CCN3: variants seen among roughly 807,000 people sequenced by gnomAD.
CCN3 encodes the protein CCN family member 3.
In CCN3, 20 loss-of-function variants were observed where a neutral mutation model predicts 33.4. The ratio of observed to expected loss-of-function variants is 0.60; its 90% CI spans 0.42 to 0.87. The LOEUF (loss-of-function observed/expected upper bound fraction) is 0.87, where lower values mean the gene tolerates loss of function less well. CCN3 is among the 40% of genes least tolerant of loss of function. The pLI is 0.00. For synonymous variants in CCN3, 205 were observed against 170.4 expected, an observed-to-expected ratio of 1.20 and a Z score of -1.58; for missense variants, 465 against 455.3, an observed-to-expected ratio of 1.02 and a Z score of -0.19.
chr8:119,423,045 G>T lies in CCN3; in HGVS notation c.987G>T (p.Gly329=). Reference sequence around the variant, plus strand: ...TCAAGAAGCCAGTGATGGTCATTGGGACCTGCACCTGTCACACCAACTGTC... The same window carrying T: ...TCAAGAAGCCAGTGATGGTCATTGGTACCTGCACCTGTCACACCAACTGTC... ...QIVKKPVMVI[G]TCTCHTNCPK... Residue 329 remains glycine, a synonymous_variant, in exon 5 of 5, where the codon GGG becomes GGT. Coordinates refer to ENST00000259526, the MANE Select transcript of CCN3 (RefSeq NM_002514.4). 6.2e-7 allele frequency: 1 copy of T among 1,614,094 alleles called. No homozygotes were observed.
chr8:119,422,156 CAG>C (rs773092018), intron 4 of CCN3, among the ~76,000 whole-genome samples: 14 of 146,172 alleles, frequency 9.6e-5, no homozygotes, highest in Admixed American at 1.4e-4. Flanking sequence ...CAGAGAGAGA[CAG>C]AGAGAGAGAG....
Position 119,421,976 on chromosome 8 carries a change from GTAT to G in CCN3, c.778-857_778-855del, listed in dbSNP as rs1294146886. 3.3e-5 allele frequency among the ~76,000 whole-genome samples: 5 copies of G among 152,260 alleles called. No homozygotes were observed. In the East Asian group the frequency reaches 9.6e-4, roughly 29 times the overall value. On this transcript the variant is annotated intron_variant, in intron 4 of 4. Transcript: ENST00000259526. ...ATAAACATTCTTTTTATAACATGTT[GTAT>G]TAGTCCATTTTCAAACTGCTATGAA... is the stretch of plus-strand genomic sequence containing the variant.
chr8:119,422,934 T>A lies in CCN3; in HGVS notation c.876T>A (p.Cys292Ter). Residue 292 changes from cysteine to a stop codon, truncating the protein, a stop_gained, in exon 5 of 5, where the codon TGT becomes TGA. Transcript: ENST00000259526. LOFTEE classifies it high-confidence loss of function. ...TGCACACCTACAAGCCCAGGTTCTG[T>A]GGGGTCTGCAGTGATGGCCGCTGCT... ...TSLHTYKPRF[C>*]GVCSDGRCCT... The A allele has an allele frequency of 6.2e-7, 1 of 1,614,112 alleles. No homozygotes were observed. The highest frequency in any genetic ancestry group is 8.5e-7 in the Non-Finnish European group (1 of 1,180,034).
At position 119,418,175 on chromosome 8, in the gene CCN3, G is replaced by A. The variant is rs760099300; in HGVS notation, c.428G>A (p.Arg143His). The A allele has an allele frequency of 1.8e-5, 29 of 1,614,016 alleles. No homozygotes were observed. The highest frequency in any genetic ancestry group is 1.6e-4 in the Middle Eastern group (1 of 6,084). ...GATGGGCAGATTGGCTGTGTGCCCC[G>A]CTGTCAGCTGGATGTGCTACTGCCT... ...CRDGQIGCVP[R>H]CQLDVLLPEP... The change falls in exon 3 of 5, where the codon CGC (arginine) becomes CAC (histidine). Residue 143 changes from arginine (R) to histidine (H), a missense_variant. Coordinates refer to ENST00000259526, the MANE Select transcript of CCN3 (RefSeq NM_002514.4).
Position 119,416,540 on chromosome 8 carries a change from G to C in CCN3, c.8G>C (p.Ser3Thr). 6.2e-7 allele frequency: 1 copy of C among 1,613,918 alleles called. No individual in the cohort carries two copies. The highest frequency in any genetic ancestry group is 1.1e-5 in the South Asian group (1 of 90,948). MQSVQSTSFCLRK... is the reference protein window; with the variant it reads MQTVQSTSFCLRK... ...AGAGGGGAAAGCCTGAGCATGCAGA[G>C]TGTGCAGAGCACGAGCTTTTGTCTC... The change falls in exon 1 of 5, where the codon AGT becomes ACT. Residue 3 changes from serine to threonine, a missense_variant. Physicochemically the swap from Ser to Thr is moderately conservative, Grantham distance 58. Coordinates refer to ENST00000259526, the MANE Select transcript of CCN3 (RefSeq NM_002514.4).
At chr8:119,422,782 G>T (rs879563199) in intron 4 of CCN3, 54 bp from the exon 5 acceptor site, 40 of 1,428,044 alleles carry the variant, frequency 2.8e-5, no homozygotes, top group Non-Finnish European at 3.6e-5. Context: ...CTCTAAAATT[G>T]TCCCTCAGGG....
intron 4 of CCN3, among the ~76,000 whole-genome samples, chr8:119,421,098 A>C (rs1436981338): frequency 7.4e-6 from 1 of 135,884 alleles, no homozygotes; most frequent in Non-Finnish European, 1.5e-5. Flanking sequence ...GGCTCACCGC[A>C]AGCTCCGCCT....
At chr8:119,419,877 T>C (rs1820100702) in intron 4 of CCN3, 1 of 154,342 alleles carries the variant, frequency 6.5e-6, no homozygotes, top group South Asian at 2.0e-4. Flanking sequence ...GTGGAAATAA[T>C]ACATTTGCCA....
At chr8:119,417,950 T>G (rs1246559390) in intron 2 of CCN3, 108 bp from the exon 3 acceptor site, 2 of 1,157,180 alleles carry the variant, frequency 1.7e-6, no homozygotes, top group Non-Finnish European at 2.5e-6. Flanking sequence ...AGAAAAGGAC[T>G]TGGGTTTTGG....
chr8:119,417,976 T>C, intron 2 of CCN3, 82 bp from the exon 3 acceptor site: 1 of 1,438,904 alleles, frequency 6.9e-7, no homozygotes, highest in South Asian at 1.3e-5. Context: ...GCCCTCCAAA[T>C]CTTACATAGC....
rs1014075970 is a variant in CCN3, at chr8:119,416,468, C to T, written c.-65C>T. 43 of 1,481,396 alleles carry T rather than the reference C, an allele frequency of 2.9e-5. No individual in the cohort carries two copies. In the South Asian group the frequency reaches 4.8e-4, roughly 16 times the overall value. The allele number at this position is 1,481,396 out of a possible 1,614,324, so 91.8% of individuals were successfully genotyped here. A position where few individuals can be genotyped will look rare whatever the true frequency, so the allele number is the denominator to read the frequency against. On this transcript the variant is annotated 5_prime_UTR_variant, in exon 1 of 5. Coordinates refer to ENST00000259526, the MANE Select transcript of CCN3 (RefSeq NM_002514.4). The stretch of plus-strand genomic sequence containing the variant: ...GGCAAGCACCGGACCAGGGGGAAGG[C>T]GAGCAGTGCCAATCTACAGCGAAGA...
chr8:119,420,559 A>G (rs17187503), intron 4 of CCN3, among the ~76,000 whole-genome samples: 27,899 of 152,040 alleles, frequency 0.18, 2,751 homozygotes, highest in Non-Finnish European at 0.22. Flanking sequence ...CCCTAAAATT[A>G]TATCCTAGGA....
In CCN3 at chr8:119,421,199, C is replaced by T. The variant is rs189067723; in HGVS notation, c.778-1637C>T. On this transcript the variant is annotated intron_variant, in intron 4 of 4. Transcript: ENST00000259526. ...ATTTTTTTGTATTTTTTAGTAGAGA[C>T]GGGGTTTCACCATGTTAGCCAGGAT... Among the ~76,000 whole-genome samples, 624 of 151,772 alleles carry T rather than the reference C, an allele frequency of 4.1e-3. 4 individuals are homozygous for T. Among genetic ancestry groups the T allele is most frequent in the Non-Finnish European group, 6.6e-3 (448 of 67,898 alleles).
intron 1 of CCN3, 38 bp from the exon 2 acceptor site, chr8:119,416,702 TGTCC>T: frequency 6.3e-7 from 1 of 1,577,200 alleles, no homozygotes; most frequent in South Asian, 1.1e-5. Flanking sequence ...CTGCGTCTTC[TGTCC>T]CAGCTGAGTG....
At chr8:119,420,128 G>A (rs1422966260) in intron 4 of CCN3, 1 of 152,112 alleles carries the variant, frequency 6.6e-6, no homozygotes, top group African/African-American at 2.4e-5. Context: ...ACAGCCCTTA[G>A]CAATTCAAGA....
At position 119,423,041 on chromosome 8, in the gene CCN3, T is replaced by C. The variant is rs773668811; in HGVS notation, c.983T>C (p.Ile328Thr). 76 of 1,613,996 alleles carry C rather than the reference T, an allele frequency of 4.7e-5. No individual in the cohort carries two copies. In the Admixed American group the frequency reaches 5.7e-4, roughly 12 times the overall value. ...GQIVKKPVMV[I>T]GTCTCHTNCP... is the part of the protein sequence containing the mutation. ...ATAGTCAAGAAGCCAGTGATGGTCA[T>C]TGGGACCTGCACCTGTCACACCAAC... The change falls in exon 5 of 5, where the codon ATT (isoleucine) becomes ACT (threonine). Residue 328 changes from isoleucine to threonine, a missense_variant. Coordinates refer to ENST00000259526, the MANE Select transcript of CCN3 (RefSeq NM_002514.4).
intron 2 of CCN3, among the ~76,000 whole-genome samples, chr8:119,417,707 A>C (rs1442928402): frequency 6.6e-6 from 1 of 152,136 alleles, no homozygotes; most frequent in African/African-American, 2.4e-5. Context: ...TTCTCTTTTT[A>C]AGTCTAAGCT....
rs189122036 is a variant in CCN3, at chr8:119,418,099, C to T, written c.352C>T (p.Arg118Cys). The change falls in exon 3 of 5, where the codon CGC becomes TGC. Residue 118 changes from arginine (R) to cysteine (C), a missense_variant. Arg to Cys is a radical substitution (Grantham distance 180). Coordinates refer to ENST00000259526, the MANE Select transcript of CCN3 (RefSeq NM_002514.4). The part of the protein sequence containing the change: ...DNCVFDGVIY[R>C]SGEKFQPSCK... ...CTGTGTGTTCGATGGGGTCATCTAC[C>T]GCAGTGGAGAGAAATTTCAGCCAAG... The T allele has an allele frequency of 2.6e-5, 42 of 1,614,130 alleles. No homozygotes were observed. The highest frequency in any genetic ancestry group is 6.6e-5 in the South Asian group (6 of 91,060).
chr8:119,417,593 T>G (rs1820069088), intron 2 of CCN3, among the ~76,000 whole-genome samples: 1 of 152,222 alleles, frequency 6.6e-6, no homozygotes, highest in African/African-American at 2.4e-5. Context: ...CTTTTACTTT[T>G]TTCTCTAAGC....
Sources: gnomAD v4.1 joint callset for allele counts (sites outside exome capture counted in the v4.1 genomes callset) on GRCh38, gnomAD v4.1.1 for gene constraint, MANE v1.5 for transcripts, NCBI Gene and HGNC (gene_info 2026-07-23, HGNC 2026-07-21) for gene names.